Variants in PHACTR2 observed in about 807,000 individuals in gnomAD.
PHACTR2 encodes the protein phosphatase and actin regulator 2, also known as chromosome 6 open reading frame 56.
PHACTR2 carries 30 observed loss-of-function variants against 76.0 expected under a neutral mutation model. The observed-to-expected ratio is 0.39, with a 90% CI of 0.30 to 0.54. The LOEUF (loss-of-function observed/expected upper bound fraction) is 0.54, where lower values mean the gene tolerates loss of function less well. Ranked by LOEUF, PHACTR2 falls within the 20% of genes least tolerant of loss-of-function variation. The pLI is 0.61. For missense variants in PHACTR2, 696 were observed against 781.1 expected (o/e 0.89, Z 1.30); for synonymous variants, 292 against 292.5 (o/e 1.00, Z 0.02).
At chr6:143,677,180 C>T (rs1777265482), upstream of PHACTR2, among the ~76,000 whole-genome samples, 1 of 151,916 alleles carries the variant, frequency 6.6e-6, no homozygotes, top group Non-Finnish European at 1.5e-5. Flanking sequence ...ATCTAATGCA[C>T]CATATACAGA....
rs1394774208 is a variant in PHACTR2, at chr6:143,689,565, A to G, written c.46+11356A>G. Among the ~76,000 whole-genome samples the G allele has an allele frequency of 1.3e-5, 2 of 152,130 alleles. No individual in the cohort carries two copies. Among genetic ancestry groups the G allele is most frequent in the Non-Finnish European group, 2.9e-5 (2 of 68,020 alleles). On this transcript the variant is annotated intron_variant, in intron 1 of 12. Coordinates refer to ENST00000440869, the MANE Select transcript of PHACTR2 (RefSeq NM_001100164.2). This position sits in a 1 kb window ranked among gnomAD's most constrained non-coding sequence, Gnocchi z 4.4. ...GATTTTTCAGCATGACACATTATCT[A>G]CTGAGCTCACAGTATGGAAACCGAA...
In PHACTR2 at chr6:143,616,573, C is replaced by T. The variant is rs1210939138; in HGVS notation, c.13+8251C>T. Among the ~76,000 whole-genome samples, 2 of 152,096 alleles carry T rather than the reference C, an allele frequency of 1.3e-5. No homozygotes were observed. The highest frequency in any genetic ancestry group is 2.9e-5 in the Non-Finnish European group (2 of 68,030). On this transcript the variant is annotated intron_variant, in intron 1 of 11. Coordinates refer to the PHACTR2 transcript ENST00000305766. This position sits in a 1 kb window ranked among gnomAD's most constrained non-coding sequence, Gnocchi z 4.9. ...ATACATCCTGGTGATGTTTCCTGGTCACCCACTCTGTGCCACGCAATGTCC... is the reference window on the plus strand; with the variant it reads ...ATACATCCTGGTGATGTTTCCTGGTTACCCACTCTGTGCCACGCAATGTCC...
chr6:143,786,519 G>A (rs375941464), intron 10 of PHACTR2, among the ~76,000 whole-genome samples: 5 of 152,126 alleles, frequency 3.3e-5, no homozygotes, highest in African/African-American at 7.2e-5. Flanking sequence ...ACATTTTTGG[G>A]TATCTTTTCA....
At position 143,783,787 on chromosome 6, in the gene PHACTR2, A is replaced by G. The variant is rs768229644; in HGVS notation, c.1707+507A>G. On this transcript the variant is annotated intron_variant, in intron 10 of 12. Coordinates refer to ENST00000440869, the MANE Select transcript of PHACTR2 (RefSeq NM_001100164.2). This position sits in a 1 kb window ranked among gnomAD's most constrained non-coding sequence, Gnocchi z 5.2. ...TGAAAATTTTTAAAGACACAAAAAA[A>G]GAAAAAAATAAAATCATGTCTTTCA... Among the ~76,000 whole-genome samples the G allele has an allele frequency of 1.3e-5, 2 of 152,232 alleles. No individual in the cohort carries two copies. Among genetic ancestry groups the G allele is most frequent in the East Asian group, 1.9e-4 (1 of 5,202 alleles).
chr6:143,554,500 G>A lies in PHACTR2; in HGVS notation c.217+17293G>A, dbSNP rs1023352032. 2 of 152,124 alleles carry A rather than the reference G, an allele frequency of 1.3e-5. No individual in the cohort carries two copies. Among genetic ancestry groups the A allele is most frequent in the Non-Finnish European group, 2.9e-5 (2 of 68,000 alleles). 9.4% of individuals were successfully genotyped at this position (152,124 alleles called of 1,614,324 possible). A position where few individuals can be genotyped will look rare whatever the true frequency, so the allele number is the denominator to read the frequency against. On this transcript the variant is annotated intron_variant, in intron 1 of 11. Coordinates refer to the PHACTR2 transcript ENST00000367584. The surrounding 1 kb of genome is among the most constrained non-coding windows in gnomAD (Gnocchi z 5.9). Reference sequence around the variant, plus strand: ...GCTCCTTGGCTATAAATTACAAGTGGGTGTCAGTGGATGGAAAATTACTAA... The same window carrying A: ...GCTCCTTGGCTATAAATTACAAGTGAGTGTCAGTGGATGGAAAATTACTAA...
In PHACTR2 at chr6:143,755,265, T is replaced by C; in HGVS notation, c.454+1353T>C. 1 of 456,062 alleles carries C rather than the reference T, an allele frequency of 2.2e-6. No homozygotes were observed. Among genetic ancestry groups the C allele is most frequent in the Non-Finnish European group, 4.4e-6 (1 of 226,792 alleles). The allele number at this position is 456,062 out of a possible 1,614,324, so 28.3% of individuals were successfully genotyped here. A position where few individuals can be genotyped will look rare whatever the true frequency, so the allele number is the denominator to read the frequency against. ...CAGTTGAAAGTATTAACGCAAGTAG[T>C]GATGTTTTTTGTTTAAGTCTTTCTG... On this transcript the variant is annotated intron_variant, in intron 4 of 12. Coordinates refer to ENST00000440869, the MANE Select transcript of PHACTR2 (RefSeq NM_001100164.2). This position sits in a 1 kb window ranked among gnomAD's most constrained non-coding sequence, Gnocchi z 5.2.
intron 1 of PHACTR2, among the ~76,000 whole-genome samples, chr6:143,540,849 A>G (rs1043626101): frequency 6.6e-6 from 1 of 152,270 alleles, no homozygotes; most frequent in Admixed American, 6.5e-5. Context: ...ATGTTTATAA[A>G]AACGTGGATT....
chr6:143,567,591 G>T (rs1775381308), intron 1 of PHACTR2, among the ~76,000 whole-genome samples: 1 of 152,168 alleles, frequency 6.6e-6, no homozygotes, highest in Non-Finnish European at 1.5e-5. Flanking sequence ...TAGAGACAGG[G>T]TTTCACCATA....
In PHACTR2 at chr6:143,800,079, A is replaced by G. The variant is rs1293109155; in HGVS notation, c.1846-6978A>G. Among the ~76,000 whole-genome samples the G allele has an allele frequency of 6.6e-6, 1 of 152,120 alleles. No individual in the cohort carries two copies. The highest frequency in any genetic ancestry group is 1.5e-5 in the Non-Finnish European group (1 of 68,032). On this transcript the variant is annotated intron_variant, in intron 11 of 12. Transcript: ENST00000440869. This position sits in a 1 kb window ranked among gnomAD's most constrained non-coding sequence, Gnocchi z 4.8. Reference sequence around the variant, plus strand: ...TCTGGTGCTCGTGTACTGGATGCATATATATTTAGGATAGTTAACTCTTTT... The same window carrying G: ...TCTGGTGCTCGTGTACTGGATGCATGTATATTTAGGATAGTTAACTCTTTT...
In PHACTR2 at chr6:143,596,470, G is replaced by A. The variant is rs1166705883; in HGVS notation, c.217+59263G>A. 1.3e-5 allele frequency among the ~76,000 whole-genome samples: 2 copies of A among 152,172 alleles called. No homozygotes were observed. Among genetic ancestry groups the A allele is most frequent in the African/African-American group, 2.4e-5 (1 of 41,442 alleles). ...ATCAGTAATAAATGCTTAACAGCCA[G>A]TGTTTTTGAGTGGATAATATAATAG... is the stretch of plus-strand genomic sequence containing the variant. On this transcript the variant is annotated intron_variant, in intron 1 of 11. Transcript: ENST00000367584. The surrounding 1 kb of genome is among the most constrained non-coding windows in gnomAD (Gnocchi z 4.6).
intron 2 of PHACTR2, among the ~76,000 whole-genome samples, chr6:143,715,787 G>A (rs1778287412): frequency 6.6e-6 from 1 of 152,172 alleles, no homozygotes; most frequent in Non-Finnish European, 1.5e-5. Context: ...TTGGCATCCA[G>A]ACTTTGAACC....
chr6:143,744,140 G>T (rs983260885), intron 2 of PHACTR2, among the ~76,000 whole-genome samples: 2 of 152,172 alleles, frequency 1.3e-5, no homozygotes, highest in African/African-American at 4.8e-5. Flanking sequence ...TGCATACAGA[G>T]ACTTTTTCAG....
rs1776378022 is a variant in PHACTR2, at chr6:143,819,988, G to A, written c.1923-3686G>A. ...AGAAAGCCTCCAATCACGGCAGAAA[G>A]CGAAGGGGGAGCAGGCACATCACAT... On this transcript the variant is annotated intron_variant, in intron 12 of 12. Transcript: ENST00000440869. The surrounding 1 kb of genome is among the most constrained non-coding windows in gnomAD (Gnocchi z 5.0). Among the ~76,000 whole-genome samples the A allele has an allele frequency of 6.6e-6, 1 of 152,216 alleles. No individual in the cohort carries two copies. The highest frequency in any genetic ancestry group is 1.5e-5 in the Non-Finnish European group (1 of 68,046).
At chr6:143,687,453 A>T (rs1475359698) in intron 1 of PHACTR2, among the ~76,000 whole-genome samples, 1 of 152,290 alleles carries the variant, frequency 6.6e-6, no homozygotes, top group South Asian at 2.1e-4. Flanking sequence ...GGGAGAAAAT[A>T]TTAATATTTA....
intron 2 of PHACTR2, among the ~76,000 whole-genome samples, chr6:143,715,120 C>T (rs759937446): frequency 1.6e-4 from 24 of 152,250 alleles, no homozygotes; most frequent in Non-Finnish European, 3.1e-4. Flanking sequence ...CTGTATTCAC[C>T]GAGGTTACTC....
At chr6:143,779,954 G>A (rs1244197162) in intron 9 of PHACTR2, among the ~76,000 whole-genome samples, 1 of 113,468 alleles carries the variant, frequency 8.8e-6, no homozygotes. Flanking sequence ...ATTATATTTA[G>A]TTATTCATTT....
At position 143,580,912 on chromosome 6, in the gene PHACTR2, G is replaced by A. The variant is rs1250851343; in HGVS notation, c.217+43705G>A. 6.6e-6 allele frequency among the ~76,000 whole-genome samples: 1 copy of A among 152,176 alleles called. No homozygotes were observed. Among genetic ancestry groups the A allele is most frequent in the Non-Finnish European group, 1.5e-5 (1 of 68,020 alleles). The stretch of plus-strand genomic sequence containing the variant: ...GGGTGCTAAAACTTCTAGGGTGGGA[G>A]AGAGAGTGACACCAGGTGTTGAAAT... On this transcript the variant is annotated intron_variant, in intron 1 of 11. Transcript: ENST00000367584. The surrounding 1 kb of genome is among the most constrained non-coding windows in gnomAD (Gnocchi z 4.2).
In PHACTR2 at chr6:143,722,805, T is replaced by C. The variant is rs1778474031; in HGVS notation, c.214+10622T>C. 6.6e-6 allele frequency among the ~76,000 whole-genome samples: 1 copy of C among 152,210 alleles called. No homozygotes were observed. Among genetic ancestry groups the C allele is most frequent in the South Asian group, 2.1e-4 (1 of 4,830 alleles). On this transcript the variant is annotated intron_variant, in intron 2 of 12. Transcript: ENST00000440869. The surrounding 1 kb of genome is among the most constrained non-coding windows in gnomAD (Gnocchi z 4.1). ...TAACTGTCGTTCTACTCTATCTCCA[T>C]GAGTTCAGTTTTTTTGTTTTAGCTC... is the stretch of plus-strand genomic sequence containing the variant.
intron 1 of PHACTR2, among the ~76,000 whole-genome samples, chr6:143,620,692 G>C (rs1776138538): frequency 6.6e-6 from 1 of 152,200 alleles, no homozygotes; most frequent in African/African-American, 2.4e-5. Flanking sequence ...GTCTGCTTGA[G>C]TATATGCTTG....
Sources: allele counts gnomAD v4.1 joint callset (sites outside exome capture counted in the v4.1 genomes callset), GRCh38; gene constraint gnomAD v4.1.1; non-coding constraint Gnocchi (gnomAD v3.1); transcripts MANE v1.5; gene names NCBI Gene and HGNC (gene_info 2026-07-23, HGNC 2026-07-21).